ATP9B: variants seen among roughly 807,000 people sequenced by gnomAD.
ATP9B encodes ATPase phospholipid transporting 9B, also known as probable phospholipid-transporting ATPase IIB.
Under a neutral mutation model 146.1 loss-of-function variants are expected in ATP9B, and 110 were observed. The observed-to-expected ratio is 0.75, with a 90% CI of 0.65 to 0.88. The LOEUF is 0.88. Among genes scored for constraint, ATP9B ranks in the 40% least tolerant of loss-of-function variants. ATP9B has a pLI of 0.00. For synonymous variants in ATP9B, 604 were observed against 569.7 expected, an observed-to-expected ratio of 1.06 and a Z score of -0.86; for missense variants, 1,499 against 1,496.4, an observed-to-expected ratio of 1.00 and a Z score of -0.03.
chr18:79,329,297 G>T lies in ATP9B; in HGVS notation c.1930G>T (p.Val644Phe). 1.2e-6 allele frequency: 2 copies of T among 1,602,476 alleles called. No individual in the cohort carries two copies. The highest frequency in any genetic ancestry group is 1.7e-6 in the Non-Finnish European group (2 of 1,174,054). The change falls in exon 16 of 30, where the codon GTC becomes TTC. Residue 644 changes from valine to phenylalanine, a missense_variant. Coordinates refer to ENST00000426216, the MANE Select transcript of ATP9B (RefSeq NM_198531.5). ...TSESKRMGVI[V>F]RDESTAEITF... ...CGAGAGCAAGCGGATGGGCGTCATC[G>T]TCAGGGTGAGGCTGCGGGGAGGGTG...
At chr18:79,355,134 G>C (rs917628448) in intron 25 of ATP9B, among the ~76,000 whole-genome samples, 4 of 152,256 alleles carry the variant, frequency 2.6e-5, no homozygotes, top group Admixed American at 2.0e-4. Flanking sequence ...CCCTGCCCCT[G>C]CACAGCAGCA....
chr18:79,188,031 G>T (rs1007746881), intron 8 of ATP9B, among the ~76,000 whole-genome samples: 3 of 152,022 alleles, frequency 2.0e-5, no homozygotes, highest in Non-Finnish European at 2.9e-5. Context: ...ACATGAGGAC[G>T]CCCTTTAGCT....
intron 7 of ATP9B, among the ~76,000 whole-genome samples, chr18:79,163,463 T>C (rs1162360292): frequency 1.3e-5 from 2 of 152,072 alleles, no homozygotes; most frequent in Non-Finnish European, 2.9e-5. Flanking sequence ...AAATCTAGAG[T>C]AGAGTGAATG....
chr18:79,330,368 A>G (rs968569511), intron 17 of ATP9B, among the ~76,000 whole-genome samples: 19 of 152,138 alleles, frequency 1.2e-4, no homozygotes, highest in Admixed American at 4.6e-4. Context: ...GCAGTTCTCA[A>G]TTTCATAAAG....
In ATP9B at chr18:79,347,802, C is replaced by CT. The variant is rs1405486706; in HGVS notation, c.2716dup (p.Ser906PhefsTer133). Reference sequence around the variant, plus strand: ...AACAGGCCTCGCTGGCGGCCGACTTCTCCATCACGCAGTTCCGGCACATAG... The same window carrying CT: ...AACAGGCCTCGCTGGCGGCCGACTTCTTCCATCACGCAGTTCCGGCACATAG... On this transcript the variant is annotated frameshift_variant, in exon 24 of 30. Transcript: ENST00000426216. LOFTEE classifies it high-confidence loss of function. 1 of 1,601,746 alleles carries CT rather than the reference C, an allele frequency of 6.2e-7. No individual in the cohort carries two copies. Among genetic ancestry groups the CT allele is most frequent in the South Asian group, 1.1e-5 (1 of 90,204 alleles).
At chr18:79,244,697 A>G (rs555419965) in intron 11 of ATP9B, among the ~76,000 whole-genome samples, 6 of 152,184 alleles carry the variant, frequency 3.9e-5, no homozygotes, top group Non-Finnish European at 7.3e-5. Flanking sequence ...AGATATTTAA[A>G]ATAAAGACTT....
chr18:79,332,171 T>C (rs2096793802), intron 17 of ATP9B, among the ~76,000 whole-genome samples: 1 of 152,262 alleles, frequency 6.6e-6, no homozygotes, highest in African/African-American at 2.4e-5. Flanking sequence ...GGCTTACGCC[T>C]GTAATGCCAG....
At chr18:79,245,660 C>T (rs1420441781) in intron 11 of ATP9B, among the ~76,000 whole-genome samples, 2 of 137,168 alleles carry the variant, frequency 1.5e-5, no homozygotes, top group South Asian at 2.4e-4. Flanking sequence ...AGGAGGGTAC[C>T]GCCCTAGTGA....
In ATP9B at chr18:79,113,270, G is replaced by A. The variant is rs145620474; in HGVS notation, c.474G>A (p.Leu158=). The stretch of plus-strand genomic sequence containing the variant: ...TGTATGAACAATTCAAGTTTTTCTT[G>A]AATCTCTATTTTCTAGTAATATCCT... ...GVLYEQFKFF[L]NLYFLVISCS... is the part of the protein sequence containing the mutation. The change falls in exon 4 of 30, where the codon TTG becomes TTA. Residue 158 remains leucine, a synonymous_variant. Transcript: ENST00000426216. 1.1e-4 allele frequency: 180 copies of A among 1,592,616 alleles called. No homozygotes were observed. Among genetic ancestry groups the A allele is most frequent in the Non-Finnish European group, 1.3e-4 (151 of 1,165,506 alleles).
intron 1 of ATP9B, among the ~76,000 whole-genome samples, chr18:79,091,869 G>A (rs1014138969): frequency 1.3e-5 from 2 of 152,100 alleles, no homozygotes; most frequent in Non-Finnish European, 2.9e-5. Context: ...TGCTATTGTG[G>A]ATTTGTCTAT....
intron 15 of ATP9B, among the ~76,000 whole-genome samples, chr18:79,313,964 T>G (rs952689280): frequency 6.6e-6 from 1 of 152,228 alleles, no homozygotes; most frequent in Non-Finnish European, 1.5e-5. Context: ...ATCATCTAAA[T>G]GGTTCATTAT....
chr18:79,096,222 C>A (rs537887397), intron 1 of ATP9B, among the ~76,000 whole-genome samples: 5 of 152,082 alleles, frequency 3.3e-5, no homozygotes, highest in Non-Finnish European at 7.4e-5. Flanking sequence ...CCCATCCGCA[C>A]CACAGATGCC....
At chr18:79,284,149 C>G (rs1470773610) in intron 13 of ATP9B, among the ~76,000 whole-genome samples, 1 of 152,164 alleles carries the variant, frequency 6.6e-6, no homozygotes, top group African/African-American at 2.4e-5. Flanking sequence ...TAAGGGCAGG[C>G]AAGCATGACG....
intron 13 of ATP9B, among the ~76,000 whole-genome samples, chr18:79,292,985 C>T (rs1437564027): frequency 2.0e-5 from 3 of 151,574 alleles, no homozygotes; most frequent in Non-Finnish European, 4.4e-5. Context: ...GTATGTGGTG[C>T]GGGCATAAGG....
intron 25 of ATP9B, among the ~76,000 whole-genome samples, chr18:79,358,891 C>G (rs2096969723): frequency 1.0e-5 from 1 of 95,878 alleles, no homozygotes. Flanking sequence ...GTGTGAGGGA[C>G]TCTGTGTGAG....
intron 26 of ATP9B, among the ~76,000 whole-genome samples, chr18:79,367,551 C>T (rs1025243336): frequency 5.9e-5 from 9 of 151,354 alleles, no homozygotes; most frequent in Non-Finnish European, 1.0e-4. Flanking sequence ...TTCACCTCCA[C>T]CATGTGTACG....
At chr18:79,147,133 G>A (rs1257749684) in intron 6 of ATP9B, among the ~76,000 whole-genome samples, 2 of 152,136 alleles carry the variant, frequency 1.3e-5, no homozygotes, top group Non-Finnish European at 2.9e-5. Context: ...AACAATAATA[G>A]GATTAATCCA....
rs560823261 is a variant in ATP9B at position 79,298,452 on chromosome 18, A to G, written c.1412-5152A>G. Among the ~76,000 whole-genome samples the G allele has an allele frequency of 2.5e-3, 362 of 146,862 alleles. 36 individuals carry two copies. Among genetic ancestry groups the G allele is most frequent in the Non-Finnish European group, 3.9e-3 (257 of 66,120 alleles). On this transcript the variant is annotated intron_variant, in intron 13 of 29. Coordinates refer to ENST00000426216, the MANE Select transcript of ATP9B (RefSeq NM_198531.5). The stretch of plus-strand genomic sequence containing the variant: ...GCAAACTACGTCACACTCATGAAAG[A>G]AACCAAAATAGACCGAAATAAACAC...
intron 9 of ATP9B, among the ~76,000 whole-genome samples, chr18:79,198,207 T>A (rs938775046): frequency 1.3e-5 from 2 of 152,214 alleles, no homozygotes; most frequent in African/African-American, 4.8e-5. Flanking sequence ...TAAAATTAGA[T>A]GGTTTAAATC....
Sources: gnomAD v4.1 joint callset for allele counts (sites outside exome capture counted in the v4.1 genomes callset) on GRCh38, gnomAD v4.1.1 for gene constraint, MANE v1.5 for transcripts, NCBI Gene and HGNC (gene_info 2026-07-23, HGNC 2026-07-21) for gene names.